Variants in RELN observed in about 807,000 individuals in gnomAD.
RELN encodes reelin.
RELN carries 108 observed loss-of-function variants against 427.6 expected under a neutral mutation model. That is an observed-to-expected ratio of 0.25 (90% CI 0.22 to 0.30). The LOEUF (loss-of-function observed/expected upper bound fraction) is 0.30. RELN is among the 10% of genes least tolerant of loss of function. The pLI, the probability that RELN is intolerant of heterozygous loss-of-function variation, is 1.00. For missense variants in RELN, 3,715 were observed against 4,302.8 expected, an observed-to-expected ratio of 0.86 and a Z score of 3.82; for synonymous variants, 1,524 against 1,513.4, an observed-to-expected ratio of 1.01 and a Z score of -0.16.
chr7:103,667,380 A>T (rs1279299675), intron 11 of RELN, among the ~76,000 whole-genome samples: 1 of 152,162 alleles, frequency 6.6e-6, no homozygotes, highest in African/African-American at 2.4e-5. Flanking sequence ...TAAATAATCA[A>T]TTTTTAAATG....
chr7:103,770,111 G>T (rs1437155999), intron 4 of RELN, among the ~76,000 whole-genome samples: 2 of 151,874 alleles, frequency 1.3e-5, no homozygotes, highest in Non-Finnish European at 2.9e-5. Context: ...TTTAGACAGA[G>T]TCTCACTCTA....
intron 49 of RELN, among the ~76,000 whole-genome samples, chr7:103,518,277 A>G (rs913654024): frequency 1.3e-5 from 2 of 151,556 alleles, no homozygotes; most frequent in African/African-American, 4.9e-5. Context: ...ATTTTACTCA[A>G]ATTTTAGCCT....
intron 28 of RELN, among the ~76,000 whole-genome samples, chr7:103,581,236 C>A (rs1024370220): frequency 6.6e-6 from 1 of 152,136 alleles, no homozygotes; most frequent in African/African-American, 2.4e-5. Context: ...GCCCTAGTAA[C>A]AAGTCTCTTG....
At chr7:103,900,267 A>G (rs77867302) in intron 2 of RELN, among the ~76,000 whole-genome samples, 10,611 of 152,074 alleles carry the variant, frequency 0.07, 434 homozygotes, top group African/African-American at 0.12. Flanking sequence ...TCAGGGAGAA[A>G]TACAAACCTC....
At chr7:103,850,560 G>A (rs1793797586) in intron 2 of RELN, among the ~76,000 whole-genome samples, 1 of 152,264 alleles carries the variant, frequency 6.6e-6, no homozygotes, top group Admixed American at 6.5e-5. Flanking sequence ...TTCTCTAGCT[G>A]AACTTTGTAG....
intron 41 of RELN, among the ~76,000 whole-genome samples, chr7:103,548,940 G>A (rs1055605213): frequency 1.3e-5 from 2 of 152,112 alleles, no homozygotes; most frequent in Admixed American, 1.3e-4. Flanking sequence ...TTCCAAGTGG[G>A]AACTTGCTGA....
At chr7:103,788,917 T>G (rs562126694) in intron 3 of RELN, among the ~76,000 whole-genome samples, 9 of 152,108 alleles carry the variant, frequency 5.9e-5, no homozygotes, top group African/African-American at 2.4e-5. Flanking sequence ...GGAGGTGTCA[T>G]GCTACCTGAC....
Position 103,611,691 on chromosome 7 carries a change from T to C in RELN, c.2815A>G (p.Lys939Glu), listed in dbSNP as rs1334983662. The C allele has an allele frequency of 1.2e-6, 2 of 1,613,792 alleles. No individual in the cohort carries two copies. Among genetic ancestry groups the C allele is most frequent in the Non-Finnish European group, 1.7e-6 (2 of 1,179,942 alleles). The change falls in exon 21 of 65, where the codon AAA becomes GAA. Residue 939 changes from lysine (K) to glutamate (E), a missense_variant. By Grantham distance (56) the Lys-to-Glu change is moderately conservative (BLOSUM62 1). Transcript: ENST00000428762. The stretch of plus-strand genomic sequence containing the variant: ...TGGTTGTCCATGTGTGGGGTGTATT[T>C]CTGGCCACATCCCATCACCAAACTG... ...QFSLVMGCGQ[K>E]YTPHMDNQVK...
chr7:103,535,571 G>C, intron 45 of RELN, 87 bp from the exon 46 acceptor site: 1 of 1,297,124 alleles, frequency 7.7e-7, no homozygotes, highest in Non-Finnish European at 1.1e-6. Context: ...GTATGTTTTA[G>C]TTTCATTCAA....
chr7:103,510,908 C>T lies in RELN; in HGVS notation c.8217G>A (p.Glu2739=). ...TCAGGTCATGGGTCACTGCATACAC[C>T]TCCCGTCCATCATGACTGCCACAGA... ...VMLCGSHDGR[E]VYAVTHDLTP... Residue 2739 remains glutamate, a synonymous_variant, in exon 51 of 65, where the codon GAG becomes GAA. Transcript: ENST00000428762. 6.2e-7 allele frequency: 1 copy of T among 1,613,292 alleles called. No homozygotes were observed. Among genetic ancestry groups the T allele is most frequent in the Non-Finnish European group, 8.5e-7 (1 of 1,179,328 alleles).
chr7:103,859,522 T>C (rs559121365), intron 2 of RELN, among the ~76,000 whole-genome samples: 1 of 152,284 alleles, frequency 6.6e-6, no homozygotes, highest in South Asian at 2.1e-4. Flanking sequence ...CTCGATCTCC[T>C]GACCTCGTGA....
chr7:103,831,336 T>A (rs1793269047), intron 3 of RELN, among the ~76,000 whole-genome samples: 4 of 152,144 alleles, frequency 2.6e-5, no homozygotes, highest in Admixed American at 2.6e-4. Context: ...GAACATCATA[T>A]AATTCAAGGG....
chr7:103,921,664 C>T (rs56029141), intron 1 of RELN, among the ~76,000 whole-genome samples: 18,756 of 152,058 alleles, frequency 0.12, 2,373 homozygotes, highest in African/African-American at 0.32. Context: ...TCCTAATGTC[C>T]ATAGATTAAA....
intron 1 of RELN, among the ~76,000 whole-genome samples, chr7:103,964,857 G>A (rs75845552): frequency 6.6e-6 from 1 of 152,234 alleles, no homozygotes; most frequent in African/African-American, 2.4e-5. Flanking sequence ...TACAGTCAGG[G>A]ACTTGAAGCC....
chr7:103,619,836 A>G (rs533571581), intron 20 of RELN, among the ~76,000 whole-genome samples: 1 of 152,088 alleles, frequency 6.6e-6, no homozygotes, highest in South Asian at 2.1e-4. Context: ...GTGCCCGCCC[A>G]TCTTTTGTCA....
rs551299195 is a variant in RELN, at chr7:103,890,484, G to A, written c.337+26591C>T. 1.6e-3 allele frequency among the ~76,000 whole-genome samples: 251 copies of A among 152,210 alleles called. 2 individuals carry two copies. Among genetic ancestry groups the A allele is most frequent in the African/African-American group, 5.7e-3 (236 of 41,538 alleles). On this transcript the variant is annotated intron_variant, in intron 2 of 64. Coordinates refer to ENST00000428762, the MANE Select transcript of RELN (RefSeq NM_005045.4). ...AAGCACAAACCCTATTGTGAACTGC[G>A]CATGCAAGGGATCTAGGTTGTGTAC...
chr7:103,566,362 C>T lies in RELN; in HGVS notation c.4798G>A (p.Asp1600Asn). ...TCTTGAAATCCAGTTTGAGAGCTGT[C>T]ATTCATTCCTATAAGAACATCATCC... ...ALDDVLIGMN[D>N]SSQTGFQDKF... Residue 1600 changes from aspartate (D) to asparagine (N), a missense_variant, in exon 33 of 65, where the codon GAC (aspartate) becomes AAC (asparagine). Around this residue, in one of 4 missense-constraint regions of RELN, gnomAD observed 2,208 missense variants for 2,361.7 expected, o/e 0.93. Coordinates refer to ENST00000428762, the MANE Select transcript of RELN (RefSeq NM_005045.4). 1 of 1,614,120 alleles carries T rather than the reference C, an allele frequency of 6.2e-7. No homozygotes were observed. Among genetic ancestry groups the T allele is most frequent in the Non-Finnish European group, 8.5e-7 (1 of 1,180,010 alleles).
intron 55 of RELN, among the ~76,000 whole-genome samples, chr7:103,497,120 G>C (rs529366416): frequency 4.6e-5 from 7 of 152,306 alleles, no homozygotes; most frequent in Admixed American, 1.3e-4. Context: ...TATTAAAATA[G>C]TTATTGTAAT....
At chr7:103,798,154 G>C (rs1792355624) in intron 3 of RELN, among the ~76,000 whole-genome samples, 1 of 152,098 alleles carries the variant, frequency 6.6e-6, no homozygotes, top group African/African-American at 2.4e-5. Flanking sequence ...ATAAATTCTG[G>C]AGCAGTTATG....
Sources: allele counts gnomAD v4.1 joint callset (sites outside exome capture counted in the v4.1 genomes callset), GRCh38; gene constraint gnomAD v4.1.1; regional missense constraint gnomAD v4.1.1; transcripts MANE v1.5; gene names NCBI Gene and HGNC (gene_info 2026-07-23, HGNC 2026-07-21).